Variants in CEP63 observed in about 807,000 individuals in gnomAD.
CEP63 encodes centrosomal protein of 63 kDa.
Under a neutral mutation model 89.1 loss-of-function variants are expected in CEP63, and 84 were observed. The ratio of observed to expected loss-of-function variants is 0.94; its 90% CI spans 0.79 to 1.13. The LOEUF (loss-of-function observed/expected upper bound fraction) is 1.13. CEP63 is among the 50% of genes most tolerant of loss of function. The probability of loss-of-function intolerance (pLI) is 0.00; values close to 1 mark genes in which losing one functional copy is unlikely to be tolerated. For missense variants in CEP63, 838 were observed against 813.3 expected, an observed-to-expected ratio of 1.03 and a Z score of -0.37; for synonymous variants, 267 against 272.5, an observed-to-expected ratio of 0.98 and a Z score of 0.20.
the CEP63 span, among the ~76,000 whole-genome samples, chr3:134,719,237 A>G: frequency 2.0e-5 from 3 of 152,052 alleles, no homozygotes; most frequent in Admixed American, 6.6e-5. Context: ...TCCTGGGCTC[A>G]AGGGATCCTT....
At chr3:134,504,207 C>T (rs1480133652) in intron 2 of CEP63, among the ~76,000 whole-genome samples, 4 of 151,478 alleles carry the variant, frequency 2.6e-5, no homozygotes, top group African/African-American at 7.3e-5. Flanking sequence ...TGTGTTTTCA[C>T]GATAGTAGAT....
chr3:134,652,149 C>T, the CEP63 span, among the ~76,000 whole-genome samples: 2 of 152,104 alleles, frequency 1.3e-5, no homozygotes, highest in Non-Finnish European at 2.9e-5. Context: ...AGCCATTTTC[C>T]CTCCACCTTC....
At chr3:134,641,735 C>A in the CEP63 span, among the ~76,000 whole-genome samples, 1 of 152,118 alleles carries the variant, frequency 6.6e-6, no homozygotes, top group Non-Finnish European at 1.5e-5. Context: ...GACCCCATAC[C>A]CGCACACACC....
the CEP63 span, among the ~76,000 whole-genome samples, chr3:134,641,681 T>C: frequency 2.0e-5 from 3 of 152,286 alleles, no homozygotes; most frequent in South Asian, 6.2e-4. Flanking sequence ...GGAAATTTCC[T>C]GTAGCTGCTA....
At chr3:134,547,971 C>T (rs1339873248) in intron 9 of CEP63, among the ~76,000 whole-genome samples, 3 of 152,112 alleles carry the variant, frequency 2.0e-5, no homozygotes, top group African/African-American at 7.2e-5. Flanking sequence ...ATCTTTCTGT[C>T]ATCAAATCTA....
At chr3:134,697,475 C>T in the CEP63 span, among the ~76,000 whole-genome samples, 1 of 152,102 alleles carries the variant, frequency 6.6e-6, no homozygotes, top group Non-Finnish European at 1.5e-5. Flanking sequence ...TGTACAGGTC[C>T]TACAACAGAA....
chr3:134,631,710 T>A, the CEP63 span, among the ~76,000 whole-genome samples: 1 of 151,982 alleles, frequency 6.6e-6, no homozygotes, highest in East Asian at 1.9e-4. Flanking sequence ...ATAGCTATTA[T>A]GGAGATATAG....
At chr3:134,647,338 A>T in the CEP63 span, 27 of 949,902 alleles carry the variant, frequency 2.8e-5, no homozygotes, top group African/African-American at 4.3e-4. Context: ...CAGTGGTTAG[A>T]TGTCTAGGGC....
At chr3:134,549,699 A>G (rs1954382141) in intron 10 of CEP63, among the ~76,000 whole-genome samples, 2 of 151,980 alleles carry the variant, frequency 1.3e-5, no homozygotes, top group Admixed American at 1.3e-4. Flanking sequence ...CTCTTGTTCT[A>G]TTTGTTATCC....
chr3:134,593,908 A>G, the CEP63 span, among the ~76,000 whole-genome samples: 1 of 152,136 alleles, frequency 6.6e-6, no homozygotes, highest in Non-Finnish European at 1.5e-5. Context: ...GGGATCTGAT[A>G]CTCATGAAAT....
the CEP63 span, among the ~76,000 whole-genome samples, chr3:134,712,567 G>T: frequency 0.8 from 121,596 of 151,772 alleles, 50,259 homozygotes; most frequent in East Asian, 0.98. Context: ...TCTCCTTTAA[G>T]TATTTATTCA....
At chr3:134,732,010 A>G in the CEP63 span, among the ~76,000 whole-genome samples, 1 of 152,204 alleles carries the variant, frequency 6.6e-6, no homozygotes, top group Admixed American at 6.5e-5. Context: ...AAAGTTAATT[A>G]GATAATCAGA....
At chr3:134,780,621 C>G in the CEP63 span, 7 of 152,286 alleles carry the variant, frequency 4.6e-5, no homozygotes, top group East Asian at 1.2e-3. Flanking sequence ...GCTATCAACG[C>G]GAGCACTTGG....
chr3:134,512,768 C>A (rs1235193037), intron 3 of CEP63, among the ~76,000 whole-genome samples: 1 of 152,140 alleles, frequency 6.6e-6, no homozygotes, highest in Non-Finnish European at 1.5e-5. Context: ...ATACAATTAT[C>A]ATCCCCTCAT....
the CEP63 span, among the ~76,000 whole-genome samples, chr3:134,731,189 C>T: frequency 6.6e-6 from 1 of 152,016 alleles, no homozygotes; most frequent in African/African-American, 2.4e-5. Flanking sequence ...TTTTGACATC[C>T]CTCTCTCAGT....
chr3:134,740,264 TC>T, the CEP63 span, among the ~76,000 whole-genome samples: 2 of 141,888 alleles, frequency 1.4e-5, no homozygotes, highest in African/African-American at 5.3e-5. Context: ...CTTATTCTTT[TC>T]TTTTATTTAT....
the CEP63 span, among the ~76,000 whole-genome samples, chr3:134,702,157 G>A: frequency 1.3e-5 from 2 of 151,984 alleles, no homozygotes; most frequent in African/African-American, 2.4e-5. Context: ...CAGTTAACAG[G>A]GGAAGTGAAG....
the CEP63 span, chr3:134,625,040 C>A: frequency 6.3e-7 from 1 of 1,583,520 alleles, no homozygotes; most frequent in South Asian, 1.2e-5. Context: ...GTCAGAGCGG[C>A]CAGCTGTCCT....
In CEP63 at chr3:134,551,917, C is replaced by T. The variant is rs1431692227; in HGVS notation, c.1381-9C>T. The T allele has an allele frequency of 1.9e-6, 3 of 1,587,668 alleles. No individual in the cohort carries two copies. The highest frequency in any genetic ancestry group is 1.1e-5 in the South Asian group (1 of 88,716). ...TTATATTTATTTTTTTCTGTTTTCC[C>T]CTTTTCAGGAGATTTTGGATCAGCT... On this transcript the variant is annotated splice_polypyrimidine_tract_variant and intron_variant, in intron 11 of 14. Coordinates refer to ENST00000675561, the MANE Select transcript of CEP63 (RefSeq NM_001353108.3).
Sources: allele counts gnomAD v4.1 joint callset (sites outside exome capture counted in the v4.1 genomes callset), GRCh38; gene constraint gnomAD v4.1.1; transcripts MANE v1.5; gene names NCBI Gene and HGNC (gene_info 2026-07-23, HGNC 2026-07-21).